Variants in ANK1 observed in about 807,000 individuals in gnomAD.
ANK1 encodes ankyrin-1.
Under a neutral mutation model 210.4 loss-of-function variants are expected in ANK1, and 51 were observed. The ratio of observed to expected loss-of-function variants is 0.24; its 90% CI spans 0.19 to 0.31. The LOEUF is 0.31. ANK1 is among the 10% of genes least tolerant of loss of function. The pLI is 1.00. For missense variants in ANK1, 2,051 were observed against 2,504.4 expected, an observed-to-expected ratio of 0.82 and a Z score of 3.86; for synonymous variants, 967 against 1,025.9, an observed-to-expected ratio of 0.94 and a Z score of 1.10.
At chr8:41,820,284 T>G (rs566469650) in intron 1 of ANK1, among the ~76,000 whole-genome samples, 1 of 141,196 alleles carries the variant, frequency 7.1e-6, no homozygotes, top group Admixed American at 7.0e-5. Flanking sequence ...CTCAGCCTCC[T>G]GAGTAGCTGA....
chr8:41,762,044 A>C (rs114539797), intron 1 of ANK1, among the ~76,000 whole-genome samples: 1,659 of 152,252 alleles, frequency 0.011, 38 homozygotes, highest in African/African-American at 0.038. Flanking sequence ...CAGGTCCCAC[A>C]TGGGCCCCCT....
intron 1 of ANK1, among the ~76,000 whole-genome samples, chr8:41,822,105 AG>A (rs1804448536): frequency 2.2e-4 from 8 of 36,270 alleles, no homozygotes; most frequent in South Asian, 1.0e-3. Flanking sequence ...AGAGAGAGAG[AG>A]AGAGAGAGAA....
At chr8:41,853,960 T>C (rs1207935428) in intron 1 of ANK1, among the ~76,000 whole-genome samples, 1 of 152,198 alleles carries the variant, frequency 6.6e-6, no homozygotes, top group Non-Finnish European at 1.5e-5. Flanking sequence ...AATGAAGAAC[T>C]ACTCCGCTCA....
chr8:41,686,377 G>A (rs1349255271), intron 35 of ANK1, 94 bp from the exon 36 acceptor site: 1 of 1,542,148 alleles, frequency 6.5e-7, no homozygotes, highest in East Asian at 2.2e-5. Context: ...TGGGGCGTGG[G>A]GGGACCCAGT....
chr8:41,853,725 T>C (rs942082615), intron 1 of ANK1, among the ~76,000 whole-genome samples: 20 of 152,120 alleles, frequency 1.3e-4, no homozygotes, highest in Non-Finnish European at 2.5e-4. Flanking sequence ...CACTTTCCCT[T>C]GGGATTTTAC....
chr8:41,667,373 A>G (rs1810904994), intron 39 of ANK1, among the ~76,000 whole-genome samples: 1 of 152,120 alleles, frequency 6.6e-6, no homozygotes, highest in Non-Finnish European at 1.5e-5. Context: ...AGGCGTGAAA[A>G]CAGAGACAGA....
chr8:41,869,473 G>A (rs1815075579), intron 1 of ANK1, among the ~76,000 whole-genome samples: 1 of 152,180 alleles, frequency 6.6e-6, no homozygotes, highest in Non-Finnish European at 1.5e-5. Flanking sequence ...CCAGGTACTT[G>A]GGAGGCTGAG....
At chr8:41,861,512 C>T (rs1325180229) in intron 1 of ANK1, among the ~76,000 whole-genome samples, 1 of 152,220 alleles carries the variant, frequency 6.6e-6, no homozygotes, top group Non-Finnish European at 1.5e-5. Flanking sequence ...CACTTTGGGT[C>T]CACCACTTCA....
rs141656003 is a variant in ANK1, at chr8:41,771,345, A to T, written c.28-13208T>A. ...GTCTCTTTGGGCCCTAGGGATTCAGAAAGCTAAACTATTGTTCTTTTCCCC... is the reference window on the plus strand; with the variant it reads ...GTCTCTTTGGGCCCTAGGGATTCAGTAAGCTAAACTATTGTTCTTTTCCCC... On this transcript the variant is annotated intron_variant, in intron 1 of 42. Transcript: ENST00000289734. Among the ~76,000 whole-genome samples, 1,479 of 152,266 alleles carry T rather than the reference A, an allele frequency of 9.7e-3. 81 individuals are homozygous for T. The highest frequency in any genetic ancestry group is 0.086 in the Admixed American group (1,321 of 15,300).
Position 41,664,799 on chromosome 8 carries a change from G to A in ANK1, c.5395-1057C>T, listed in dbSNP as rs372282334. ...CAGCCCTGCCGGCCTCCTGCCAGGC[G>A]GTTACCTTCAGGAAGACCCGCCGCC... On this transcript the variant is annotated intron_variant, in intron 39 of 42. Transcript: ENST00000289734. The A allele has an allele frequency of 3.5e-4, 553 of 1,600,692 alleles. No individual in the cohort carries two copies. The highest frequency in any genetic ancestry group is 4.3e-4 in the Non-Finnish European group (501 of 1,176,074).
At chr8:41,703,438 A>T (rs1823483319) in intron 20 of ANK1, among the ~76,000 whole-genome samples, 3 of 68,522 alleles carry the variant, frequency 4.4e-5, no homozygotes, top group African/African-American at 1.7e-4. Context: ...ATATATATAT[A>T]TATATATATA....
At position 41,655,643 on chromosome 8, in the gene ANK1, C is replaced by T. The variant is rs556170424; in HGVS notation, c.*147G>A. On this transcript the variant is annotated 3_prime_UTR_variant, in exon 43 of 43. Transcript: ENST00000289734. ...CAGGAGTCCCTTACAGAGGTCATGC[C>T]GTCAGCCCAGAGGAATGTGTGCACC... The T allele has an allele frequency of 7.9e-6, 12 of 1,525,430 alleles. No homozygotes were observed. Among genetic ancestry groups the T allele is most frequent in the African/African-American group, 6.8e-5 (5 of 73,058 alleles). 94.5% of individuals were successfully genotyped at this position (1,525,430 alleles called of 1,614,324 possible). A position where few individuals can be genotyped will look rare whatever the true frequency, so the allele number is the denominator to read the frequency against.
intron 37 of ANK1, among the ~76,000 whole-genome samples, chr8:41,677,562 C>G (rs375383857): frequency 2.0e-5 from 3 of 150,806 alleles, no homozygotes; most frequent in Non-Finnish European, 3.0e-5. Flanking sequence ...CATGTTCTGG[C>G]TTCTGTTGTT....
chr8:41,823,195 G>T (rs1012698028), intron 1 of ANK1, among the ~76,000 whole-genome samples: 9 of 152,136 alleles, frequency 5.9e-5, no homozygotes, highest in Admixed American at 3.3e-4. Context: ...ACGCATGGGA[G>T]TATTTTCCTT....
intron 1 of ANK1, among the ~76,000 whole-genome samples, chr8:41,844,852 A>G (rs776948539): frequency 6.6e-6 from 1 of 152,078 alleles, no homozygotes; most frequent in African/African-American, 2.4e-5. Context: ...TGAGTGAGAG[A>G]CAGCCAGAGG....
intron 1 of ANK1, among the ~76,000 whole-genome samples, chr8:41,784,610 T>G (rs1189636323): frequency 6.6e-6 from 1 of 152,188 alleles, no homozygotes; most frequent in Non-Finnish European, 1.5e-5. Flanking sequence ...TATAACTAAA[T>G]CTATTCAGTT....
At chr8:41,697,116 G>C (rs1200593188) in intron 24 of ANK1, among the ~76,000 whole-genome samples, 1 of 152,160 alleles carries the variant, frequency 6.6e-6, no homozygotes, top group Non-Finnish European at 1.5e-5. Context: ...CCCATGGGGA[G>C]CCCTGCCCTC....
chr8:41,808,730 C>G (rs1046127010), intron 1 of ANK1, among the ~76,000 whole-genome samples: 1 of 151,846 alleles, frequency 6.6e-6, no homozygotes, highest in African/African-American at 2.4e-5. Context: ...TTTAACCCAC[C>G]CCCTACTGCT....
chr8:41,799,898 T>G (rs187374819), upstream of ANK1, among the ~76,000 whole-genome samples: 3 of 152,192 alleles, frequency 2.0e-5, no homozygotes, highest in Admixed American at 2.0e-4. Context: ...CTTGAGACCC[T>G]CAAATTCACC....
Sources: gnomAD v4.1 joint callset for allele counts (sites outside exome capture counted in the v4.1 genomes callset) on GRCh38, gnomAD v4.1.1 for gene constraint, MANE v1.5 for transcripts, NCBI Gene and HGNC (gene_info 2026-07-23, HGNC 2026-07-21) for gene names.